CIB4: variants seen among roughly 807,000 people sequenced by gnomAD.
CIB4 encodes the protein calcium and integrin binding family member 4, also known as calcium and integrin-binding family member 4.
In CIB4, 25 loss-of-function variants were observed where a neutral mutation model predicts 25.8. That is an observed-to-expected ratio of 0.97 (90% CI 0.71 to 1.35). The LOEUF is 1.35. Ranked by LOEUF, CIB4 falls within the 40% of genes most tolerant of loss-of-function variation. The pLI is 0.00. For missense variants in CIB4, 235 were observed against 228.2 expected, an observed-to-expected ratio of 1.03 and a Z score of -0.19; for synonymous variants, 75 against 81.4, an observed-to-expected ratio of 0.92 and a Z score of 0.42.
intron 3 of CIB4, 26 bp from the exon 4 acceptor site, chr2:26,595,343 G>C (rs1271960071): frequency 6.2e-6 from 10 of 1,605,654 alleles, no homozygotes; most frequent in Non-Finnish European, 6.8e-6. Flanking sequence ...GGAGCAGGGA[G>C]GAGGTCTATC....
chr2:26,620,442 G>C (rs373631447), intron 3 of CIB4, among the ~76,000 whole-genome samples: 1 of 152,238 alleles, frequency 6.6e-6, no homozygotes, highest in Admixed American at 6.5e-5. Context: ...CAAAAGACGG[G>C]AGTTTGTTCT....
chr2:26,619,740 C>T (rs1301720939), intron 3 of CIB4, among the ~76,000 whole-genome samples: 2 of 151,964 alleles, frequency 1.3e-5, no homozygotes, highest in South Asian at 2.1e-4. Context: ...TGACACCACC[C>T]CGATCTCCAT....
intron 3 of CIB4, among the ~76,000 whole-genome samples, chr2:26,598,037 C>T (rs1148965): frequency 0.72 from 109,372 of 151,974 alleles, 43,068 homozygotes; most frequent in East Asian, 0.98. Flanking sequence ...CGGTGGCTCA[C>T]GCCTGTAATA....
At chr2:26,628,099 G>T (rs1669343177) in intron 3 of CIB4, among the ~76,000 whole-genome samples, 1 of 152,218 alleles carries the variant, frequency 6.6e-6, no homozygotes, top group South Asian at 2.1e-4. Context: ...ATGAAAAATA[G>T]AGAAGCCTGA....
chr2:26,636,464 C>T (rs781627426), intron 2 of CIB4, among the ~76,000 whole-genome samples: 1 of 152,168 alleles, frequency 6.6e-6, no homozygotes, highest in Non-Finnish European at 1.5e-5. Context: ...AGAGACACCA[C>T]TCTTGGAACC....
At chr2:26,598,735 C>G (rs757156453) in intron 3 of CIB4, among the ~76,000 whole-genome samples, 1 of 152,178 alleles carries the variant, frequency 6.6e-6, no homozygotes, top group African/African-American at 2.4e-5. Context: ...CTCCCAGGGT[C>G]CCTGTCTCAA....
chr2:26,619,868 A>G (rs1669169689), intron 3 of CIB4, among the ~76,000 whole-genome samples: 1 of 150,662 alleles, frequency 6.6e-6, no homozygotes, highest in Non-Finnish European at 1.5e-5. Flanking sequence ...TGACTGAGGA[A>G]GCAGGACCCT....
intron 3 of CIB4, among the ~76,000 whole-genome samples, chr2:26,607,824 C>T (rs1205988129): frequency 6.6e-6 from 1 of 152,224 alleles, no homozygotes; most frequent in African/African-American, 2.4e-5. Flanking sequence ...CCCTGCCTGC[C>T]GGAGGGCAGC....
rs762060766 is a variant in CIB4, at chr2:26,595,146, C to T, written c.328+30G>A. Reference sequence around the variant, plus strand: ...GTATGTTCTCTATGGCCTTTCCACCCCTCACCCCTCAGTCCCCCACAGCAC... The same window carrying T: ...GTATGTTCTCTATGGCCTTTCCACCTCTCACCCCTCAGTCCCCCACAGCAC... On this transcript the variant is annotated intron_variant, in intron 4 of 6. Coordinates refer to ENST00000288861, the MANE Select transcript of CIB4 (RefSeq NM_001029881.3). 3.1e-6 allele frequency: 5 copies of T among 1,591,798 alleles called. 1 individual carries two copies. In the East Asian group the frequency reaches 1.1e-4, roughly 36 times the overall value.
At chr2:26,595,143 A>T in intron 4 of CIB4, 33 bp downstream of exon 4, 3 of 1,587,216 alleles carry the variant, frequency 1.9e-6, no homozygotes, top group Non-Finnish European at 2.6e-6. Context: ...TGGCCTTTCC[A>T]CCCCTCACCC....
intron 3 of CIB4, among the ~76,000 whole-genome samples, chr2:26,617,314 G>A (rs1309961006): frequency 6.6e-6 from 1 of 152,154 alleles, no homozygotes; most frequent in African/African-American, 2.4e-5. Context: ...GAGATGAGGA[G>A]AGAGAAGTTG....
At chr2:26,610,676 G>A (rs1295858860) in intron 3 of CIB4, among the ~76,000 whole-genome samples, 1 of 152,188 alleles carries the variant, frequency 6.6e-6, no homozygotes, top group African/African-American at 2.4e-5. Flanking sequence ...GGGCAGAAAG[G>A]AAGGCAGGAA....
chr2:26,619,145 G>T (rs958872879), intron 3 of CIB4, among the ~76,000 whole-genome samples: 16 of 152,330 alleles, frequency 1.1e-4, no homozygotes, highest in Admixed American at 3.3e-4. Flanking sequence ...TATTCACCAG[G>T]CATTCTCCAC....
At chr2:26,591,522 C>T (rs1668586315) in intron 4 of CIB4, among the ~76,000 whole-genome samples, 1 of 152,170 alleles carries the variant, frequency 6.6e-6, no homozygotes, top group Non-Finnish European at 1.5e-5. Context: ...AGGAGTCCTG[C>T]CTCACTTCCA....
intron 3 of CIB4, among the ~76,000 whole-genome samples, chr2:26,597,360 G>A (rs930262874): frequency 6.6e-6 from 1 of 151,802 alleles, no homozygotes; most frequent in Non-Finnish European, 1.5e-5. Flanking sequence ...TTGAAAATGA[G>A]TGCCGTGATT....
chr2:26,601,145 A>T (rs1404082979), intron 3 of CIB4, among the ~76,000 whole-genome samples: 1 of 150,258 alleles, frequency 6.7e-6, no homozygotes, highest in Non-Finnish European at 1.5e-5. Context: ...CAATGAGCCT[A>T]GGAGGCTGAG....
intron 4 of CIB4, among the ~76,000 whole-genome samples, chr2:26,585,408 G>C (rs1241650492): frequency 6.6e-6 from 1 of 152,056 alleles, no homozygotes; most frequent in Non-Finnish European, 1.5e-5. Context: ...TGGAAGGCAG[G>C]CCGAGCTGTG....
chr2:26,589,066 CTCTTCCTCTTCTTCTTCTTCT>C (rs1668523850), intron 4 of CIB4, among the ~76,000 whole-genome samples: 504 of 46,302 alleles, frequency 0.011, 73 homozygotes, highest in African/African-American at 0.031. Context: ...CTTCCTCTTC[CTCTTCCTCTTCTTCTTCTTCT>C]TCTTCTTCTT....
At chr2:26,585,573 T>C (rs903805340) in intron 4 of CIB4, among the ~76,000 whole-genome samples, 1 of 152,080 alleles carries the variant, frequency 6.6e-6, no homozygotes, top group Admixed American at 6.5e-5. Flanking sequence ...CAAGCACAGA[T>C]GTTTTCGCTG....
Sources: allele counts gnomAD v4.1 joint callset (sites outside exome capture counted in the v4.1 genomes callset), GRCh38; gene constraint gnomAD v4.1.1; transcripts MANE v1.5; gene names NCBI Gene and HGNC (gene_info 2026-07-23, HGNC 2026-07-21).